The following CHRM2 variants were observed in gnomAD, a reference collection of about 807,000 sequenced individuals.
CHRM2 encodes the protein cholinergic receptor muscarinic 2, also known as muscarinic acetylcholine receptor M2.
In CHRM2, 8 loss-of-function variants were observed where a neutral mutation model predicts 25.0. The observed-to-expected ratio is 0.32, with a 90% confidence interval of 0.19 to 0.58. The LOEUF (loss-of-function observed/expected upper bound fraction) is 0.58, where lower values mean the gene tolerates loss of function less well. Ranked by LOEUF, CHRM2 falls within the 20% of genes least tolerant of loss-of-function variation. The probability of loss-of-function intolerance (pLI) is 0.88; values close to 1 mark genes in which losing one functional copy is unlikely to be tolerated. For missense variants in CHRM2, 440 were observed against 567.1 expected (o/e 0.78, Z 2.28); for synonymous variants, 202 against 205.7 (o/e 0.98, Z 0.15).
Position 137,015,553 on chromosome 7 carries a change from C to A in CHRM2, c.688C>A (p.Pro230Thr). The part of the protein sequence containing the change: ...DKKEPVANQD[P>T]VSPSLVQGRI... ...GAAGGAGCCTGTTGCCAACCAAGAC[C>A]CCGTTTCTCCAAGTCTGGTACAAGG... Residue 230 changes from proline (P) to threonine (T), a missense_variant, in exon 4 of 4, where the codon CCC becomes ACC. Coordinates refer to ENST00000680005, the MANE Select transcript of CHRM2 (RefSeq NM_001006630.2). This position sits in a 1 kb window ranked among gnomAD's most constrained non-coding sequence, Gnocchi z 5.1. 1.2e-6 allele frequency: 2 copies of A among 1,612,850 alleles called. No individual in the cohort carries two copies. Among genetic ancestry groups the A allele is most frequent in the African/African-American group, 1.3e-5 (1 of 74,944 alleles).
rs548995277 is a variant in CHRM2, at chr7:137,014,740, G to A, written c.-46-80G>A. On this transcript the variant is annotated intron_variant, in intron 3 of 3. Coordinates refer to ENST00000680005, the MANE Select transcript of CHRM2 (RefSeq NM_001006630.2). ...GGGAGATTTGGGAGAAAATAATGTG[G>A]TTTAAAAGGAGAAACAACATTATGT... The A allele has an allele frequency of 4.4e-6, 4 of 904,592 alleles. No individual in the cohort carries two copies. The African/African-American group carries it at 5.0e-5, about 11-fold the overall frequency. The allele number at this position is 904,592 out of a possible 1,614,324, so 56.0% of individuals were successfully genotyped here. A position where few individuals can be genotyped will look rare whatever the true frequency, so the allele number is the denominator to read the frequency against.
chr7:136,941,401 A>C (rs570517288), intron 2 of CHRM2, among the ~76,000 whole-genome samples: 8 of 152,344 alleles, frequency 5.3e-5, no homozygotes, highest in African/African-American at 1.9e-4. Flanking sequence ...ATGATTTATC[A>C]AGAACCTACA....
chr7:136,995,021 G>C (rs182500792), intron 3 of CHRM2, among the ~76,000 whole-genome samples: 3 of 152,174 alleles, frequency 2.0e-5, no homozygotes, highest in African/African-American at 7.2e-5. Flanking sequence ...GCATAATTTT[G>C]TATAAGCATA....
chr7:136,881,696 C>T (rs189365732), intron 2 of CHRM2, among the ~76,000 whole-genome samples: 8 of 151,930 alleles, frequency 5.3e-5, no homozygotes, highest in African/African-American at 1.4e-4. Flanking sequence ...GTGATTATAT[C>T]TTTTACATGA....
At chr7:136,917,544 T>C (rs1489782920) in intron 2 of CHRM2, among the ~76,000 whole-genome samples, 1 of 151,976 alleles carries the variant, frequency 6.6e-6, no homozygotes, top group Non-Finnish European at 1.5e-5. Flanking sequence ...ACTAAACCAT[T>C]AGAACTATAT....
intron 2 of CHRM2, among the ~76,000 whole-genome samples, chr7:136,980,449 T>TGGTCA (rs1191735021): frequency 6.6e-6 from 1 of 152,228 alleles, no homozygotes; most frequent in Non-Finnish European, 1.5e-5. Flanking sequence ...TTCTCTTGCC[T>TGGTCA]GATTGCCCTG....
At chr7:136,937,686 C>T (rs1799498852) in intron 2 of CHRM2, among the ~76,000 whole-genome samples, 1 of 152,132 alleles carries the variant, frequency 6.6e-6, no homozygotes, top group Admixed American at 6.5e-5. Flanking sequence ...GAAAATAAGC[C>T]TTGTGCACTT....
At chr7:136,941,115 C>T (rs1014603368) in intron 2 of CHRM2, among the ~76,000 whole-genome samples, 2 of 152,184 alleles carry the variant, frequency 1.3e-5, no homozygotes, top group Non-Finnish European at 2.9e-5. Context: ...TACCACTAAG[C>T]TTTTCTTAGT....
At chr7:136,882,962 A>G (rs1796323128) in intron 2 of CHRM2, among the ~76,000 whole-genome samples, 1 of 152,112 alleles carries the variant, frequency 6.6e-6, no homozygotes, top group African/African-American at 2.4e-5. Flanking sequence ...ACTTGACCCA[A>G]TGTAAAAGAT....
chr7:136,910,763 T>C (rs973162551), intron 2 of CHRM2, among the ~76,000 whole-genome samples: 2 of 151,560 alleles, frequency 1.3e-5, no homozygotes, highest in Admixed American at 6.6e-5. Context: ...CTCCTGACTG[T>C]ATCATTCTTG....
chr7:136,915,817 AAGTTATGTTTTCC>A (rs1279694564), intron 2 of CHRM2, among the ~76,000 whole-genome samples: 3 of 151,848 alleles, frequency 2.0e-5, no homozygotes, highest in Non-Finnish European at 4.4e-5. Context: ...TGGCAAGCAC[AAGTTATGTTTTCC>A]AAATCAGGAA....
intron 2 of CHRM2, among the ~76,000 whole-genome samples, chr7:136,917,541 C>A (rs948742091): frequency 3.3e-5 from 5 of 152,074 alleles, no homozygotes; most frequent in Non-Finnish European, 7.4e-5. Flanking sequence ...ATTACTAAAC[C>A]ATTAGAACTA....
intron 3 of CHRM2, among the ~76,000 whole-genome samples, chr7:137,001,593 G>C (rs531448109): frequency 1.3e-5 from 2 of 152,146 alleles, no homozygotes; most frequent in Non-Finnish European, 2.9e-5. Context: ...GGGATGCACA[G>C]ACCTTTCATT....
chr7:136,907,984 G>T (rs1224727736), intron 2 of CHRM2: 1 of 151,868 alleles, frequency 6.6e-6, no homozygotes, highest in African/African-American at 2.4e-5. Context: ...CTTTGGAGAT[G>T]TCATGAAAGA....
chr7:137,010,272 A>G (rs1804715726), intron 3 of CHRM2, among the ~76,000 whole-genome samples: 1 of 152,084 alleles, frequency 6.6e-6, no homozygotes, highest in South Asian at 2.1e-4. Flanking sequence ...ATGGGAAAGC[A>G]AGTAGTGAAG....
Position 137,015,909 on chromosome 7 carries a change from G to T in CHRM2, c.1044G>T (p.Gly348=). Residue 348 remains glycine (G), a synonymous_variant, in exon 4 of 4, where the codon GGG becomes GGT. Coordinates refer to ENST00000680005, the MANE Select transcript of CHRM2 (RefSeq NM_001006630.2). The surrounding 1 kb of genome is among the most constrained non-coding windows in gnomAD (Gnocchi z 5.1). ...TPTNTTVEVV[G]SSGQNGDEKQ... is the part of the protein sequence containing the mutation. ...CTAATACCACCGTGGAGGTAGTGGG[G>T]TCTTCAGGTCAGAATGGAGATGAAA... is the stretch of plus-strand genomic sequence containing the variant. The T allele has an allele frequency of 6.2e-7, 1 of 1,613,160 alleles. No individual in the cohort carries two copies. The highest frequency in any genetic ancestry group is 8.5e-7 in the Non-Finnish European group (1 of 1,179,474).
Position 137,019,485 on chromosome 7 carries a change from T to C in CHRM2, c.*3219T>C, listed in dbSNP as rs1392782162. The stretch of plus-strand genomic sequence containing the variant: ...TTCTACTGGAGCTGCAATTTTTCCT[T>C]TCAAAAAATATTAAGAGCCTCTTTC... On this transcript the variant is annotated 3_prime_UTR_variant, in exon 4 of 4. Transcript: ENST00000680005. The C allele has an allele frequency of 6.6e-6, 1 of 151,884 alleles. No individual in the cohort carries two copies. The allele number at this position is 151,884 out of a possible 1,614,324, so 9.4% of individuals were successfully genotyped here.
chr7:137,003,468 A>T, intron 3 of CHRM2, among the ~76,000 whole-genome samples: 2 of 136,286 alleles, frequency 1.5e-5, no homozygotes, highest in East Asian at 2.3e-4. Flanking sequence ...ATATGCATGC[A>T]TGCATACACA....
intron 3 of CHRM2, among the ~76,000 whole-genome samples, chr7:137,012,886 G>A (rs570832344): frequency 1.1e-4 from 16 of 151,902 alleles, no homozygotes; most frequent in East Asian, 9.7e-4. Flanking sequence ...ATTATCCTTC[G>A]TGGTGATTAT....
Sources: allele counts gnomAD v4.1 joint callset (sites outside exome capture counted in the v4.1 genomes callset), GRCh38; gene constraint gnomAD v4.1.1; non-coding constraint Gnocchi (gnomAD v3.1); transcripts MANE v1.5; gene names NCBI Gene and HGNC (gene_info 2026-07-23, HGNC 2026-07-21).